Variants in AGO3 observed in about 807,000 individuals in gnomAD.
AGO3 encodes the protein argonaute RISC catalytic component 3.
AGO3 carries 16 observed loss-of-function variants against 105.5 expected under a neutral mutation model. That is an observed-to-expected ratio of 0.15 (90% CI 0.10 to 0.23). The LOEUF is 0.23. Ranked by LOEUF, AGO3 falls within the 10% of genes least tolerant of loss-of-function variation. AGO3 has a pLI of 1.00. For synonymous variants in AGO3, 340 were observed against 367.3 expected (o/e 0.93, Z 0.85); for missense variants, 534 against 1,088.0 (o/e 0.49, Z 7.16).
chr1:35,946,015 G>A, intron 2 of AGO3, 152 bp downstream of exon 2: 4 of 768,230 alleles, frequency 5.2e-6, no homozygotes, highest in Non-Finnish European at 7.8e-6. Context: ...TACTTCAGGG[G>A]TGTGATAGTG....
intron 2 of AGO3, among the ~76,000 whole-genome samples, chr1:35,957,087 C>T (rs1353360432): frequency 6.6e-6 from 1 of 152,042 alleles, no homozygotes; most frequent in Admixed American, 6.6e-5. Context: ...CAGTGGCTCA[C>T]GCCTGTAATC....
rs150421748 is a variant in AGO3 at position 36,047,962 on chromosome 1, C to T, written c.2274+4414C>T. Among the ~76,000 whole-genome samples the T allele has an allele frequency of 2.8e-3, 426 of 152,042 alleles. 3 individuals are homozygous for T. Among genetic ancestry groups the T allele is most frequent in the Admixed American group, 4.7e-3 (71 of 15,262 alleles). On this transcript the variant is annotated intron_variant, in intron 17 of 18. Transcript: ENST00000373191. Reference sequence around the variant, plus strand: ...CTAGATCTAGGAGGCTCAAAAGTCTCCAAACAGATCGAACCCTAAAAGGTT... The same window carrying T: ...CTAGATCTAGGAGGCTCAAAAGTCTTCAAACAGATCGAACCCTAAAAGGTT...
At chr1:35,971,087 T>A (rs1160093365) in intron 3 of AGO3, among the ~76,000 whole-genome samples, 9 of 143,944 alleles carry the variant, frequency 6.3e-5, no homozygotes, top group Non-Finnish European at 1.4e-4. Flanking sequence ...TATATAAATT[T>A]ATATTATAAA....
intron 5 of AGO3, among the ~76,000 whole-genome samples, chr1:35,977,946 A>C (rs1646982544): frequency 6.6e-6 from 1 of 152,212 alleles, no homozygotes; most frequent in Non-Finnish European, 1.5e-5. Flanking sequence ...CTTTCTGATT[A>C]AGAACAAAGT....
chr1:35,973,483 C>T lies in AGO3; in HGVS notation c.630C>T (p.Ala210=). The T allele has an allele frequency of 6.3e-7, 1 of 1,584,172 alleles. No homozygotes were observed. Among genetic ancestry groups the T allele is most frequent in the East Asian group, 2.3e-5 (1 of 44,046 alleles). Residue 210 remains alanine, a synonymous_variant, in exon 5 of 19, where the codon GCC becomes GCT. Transcript: ENST00000373191. ...GATTCCATCAGTCTGTTCGGCCTGC[C>T]ATGTGGAAAATGATGCTTAATATCG... ...WFGFHQSVRP[A]MWKMMLNIDV... is the part of the protein sequence containing the mutation.
intron 11 of AGO3, among the ~76,000 whole-genome samples, chr1:36,025,030 A>T (rs1317016191): frequency 6.6e-6 from 1 of 152,088 alleles, no homozygotes; most frequent in Non-Finnish European, 1.5e-5. Flanking sequence ...TATTATAATG[A>T]TTTTGTAAAT....
chr1:35,937,075 A>G (rs141908921), intron 1 of AGO3, among the ~76,000 whole-genome samples: 128 of 152,264 alleles, frequency 8.4e-4, no homozygotes, highest in African/African-American at 2.9e-3. Flanking sequence ...GCTCTTACTA[A>G]TAACAAGGGA....
intron 2 of AGO3, among the ~76,000 whole-genome samples, chr1:35,961,568 C>CAAAA (rs1646677538): frequency 6.6e-6 from 1 of 152,104 alleles, no homozygotes; most frequent in African/African-American, 2.4e-5. Flanking sequence ...TTGAGTTTTT[C>CAAAA]CTATTCCAGA....
chr1:36,059,386 A>C lies in AGO3; in HGVS notation c.*3641A>C, dbSNP rs1642998164. 6.6e-6 allele frequency: 1 copy of C among 151,890 alleles called. No homozygotes were observed. The highest frequency in any genetic ancestry group is 2.1e-4 in the South Asian group (1 of 4,818). 9.4% of individuals were successfully genotyped at this position (151,890 alleles called of 1,614,324 possible). A position where few individuals can be genotyped will look rare whatever the true frequency, so the allele number is the denominator to read the frequency against. On this transcript the variant is annotated 3_prime_UTR_variant, in exon 19 of 19. Coordinates refer to ENST00000373191, the MANE Select transcript of AGO3 (RefSeq NM_024852.4). ...GTTGCATTTCTGGTGTAGAATTTCT[A>C]ATCTTTTTTATTTTAAAAAAGTTTT...
In AGO3 at chr1:36,070,522, C is replaced by T. The variant is rs191933192; in HGVS notation, c.*14777C>T. The T allele has an allele frequency of 3.7e-4, 57 of 152,196 alleles. No individual in the cohort carries two copies. Among genetic ancestry groups the T allele is most frequent in the African/African-American group, 1.3e-3 (55 of 41,534 alleles). 9.4% of individuals were successfully genotyped at this position (152,196 alleles called of 1,614,324 possible). A position where few individuals can be genotyped will look rare whatever the true frequency, so the allele number is the denominator to read the frequency against. ...ACCACTGCAGGGAGTGTAAACAATT[C>T]TTTGTTGCAACAGACAAGATTTTTT... On this transcript the variant is annotated 3_prime_UTR_variant, in exon 19 of 19. Transcript: ENST00000373191.
At chr1:36,004,256 T>C (rs939058012) in intron 5 of AGO3, 85 bp from the exon 6 acceptor site, 3 of 1,391,914 alleles carry the variant, frequency 2.2e-6, no homozygotes, top group East Asian at 4.7e-5. Context: ...TTTAACCCTA[T>C]AGATAGTTAT....
chr1:35,987,852 G>A (rs1420914309), intron 5 of AGO3, among the ~76,000 whole-genome samples: 1 of 151,410 alleles, frequency 6.6e-6, no homozygotes, highest in African/African-American at 2.4e-5. Flanking sequence ...GGCAGATCAC[G>A]AGGTCAGGAG....
At chr1:35,938,998 GTTA>G (rs1345750179) in intron 1 of AGO3, among the ~76,000 whole-genome samples, 1 of 152,076 alleles carries the variant, frequency 6.6e-6, no homozygotes, top group East Asian at 1.9e-4. Flanking sequence ...AGTTTGGTTA[GTTA>G]TTATCCAGTA....
intron 11 of AGO3, among the ~76,000 whole-genome samples, chr1:36,022,658 G>A (rs116522680): frequency 0.017 from 2,657 of 152,184 alleles, 42 homozygotes; most frequent in Non-Finnish European, 0.029. Flanking sequence ...TAGGCTGGGC[G>A]CAGTGGCTCA....
intron 3 of AGO3, 114 bp downstream of exon 3, chr1:35,967,189 G>A: frequency 7.6e-7 from 1 of 1,316,910 alleles, no homozygotes; most frequent in Non-Finnish European, 1.0e-6. Flanking sequence ...ATCACTGATT[G>A]TTTTTAACTT....
intron 11 of AGO3, among the ~76,000 whole-genome samples, chr1:36,022,500 G>A (rs1569833417): frequency 6.6e-6 from 1 of 152,288 alleles, no homozygotes; most frequent in East Asian, 1.9e-4. Flanking sequence ...TGAGTGTATA[G>A]CTAGGCATAG....
rs1226463701 is a variant in AGO3 at position 35,931,361 on chromosome 1, G to T, written c.-66G>T. ...GTCGCGTCGCGCCGCGTCGCCCCCC[G>T]GGCCGCCTCCTTGCCGCCAGTGGCG... On this transcript the variant is annotated 5_prime_UTR_variant, in exon 1 of 19. Coordinates refer to ENST00000373191, the MANE Select transcript of AGO3 (RefSeq NM_024852.4). 4 of 1,381,460 alleles carry T rather than the reference G, an allele frequency of 2.9e-6. No homozygotes were observed. Among genetic ancestry groups the T allele is most frequent in the African/African-American group, 3.0e-5 (2 of 66,344 alleles). The allele number at this position is 1,381,460 out of a possible 1,614,324, so 85.6% of individuals were successfully genotyped here.
intron 11 of AGO3, among the ~76,000 whole-genome samples, chr1:36,022,483 A>C: frequency 6.6e-6 from 1 of 152,164 alleles, no homozygotes; most frequent in East Asian, 1.9e-4. Flanking sequence ...TAGGGTCCTA[A>C]CATTTATGAG....
chr1:35,996,568 C>A (rs187613253), intron 5 of AGO3, among the ~76,000 whole-genome samples: 2 of 151,814 alleles, frequency 1.3e-5, no homozygotes, highest in African/African-American at 4.8e-5. Flanking sequence ...GTCAGGAGTT[C>A]GAGACCAGCC....
Sources: allele counts gnomAD v4.1 joint callset (sites outside exome capture counted in the v4.1 genomes callset), GRCh38; gene constraint gnomAD v4.1.1; transcripts MANE v1.5; gene names NCBI Gene and HGNC (gene_info 2026-07-23, HGNC 2026-07-21).